Variants in CDC14A observed in about 807,000 individuals in gnomAD.
CDC14A encodes dual specificity protein phosphatase CDC14A.
Under a neutral mutation model 74.4 loss-of-function variants are expected in CDC14A, and 53 were observed. The observed-to-expected ratio is 0.71, with a 90% confidence interval of 0.57 to 0.89. CDC14A has a LOEUF of 0.89. Ranked by LOEUF, CDC14A falls within the 40% of genes least tolerant of loss-of-function variation. The probability of loss-of-function intolerance (pLI) is 0.00; values close to 1 mark genes in which losing one functional copy is unlikely to be tolerated. For missense variants in CDC14A, 646 were observed against 713.7 expected (o/e 0.91, Z 1.08); for synonymous variants, 247 against 258.4 (o/e 0.96, Z 0.43).
intron 6 of CDC14A, among the ~76,000 whole-genome samples, chr1:100,442,659 T>C (rs907952739): frequency 6.6e-6 from 1 of 152,074 alleles, no homozygotes; most frequent in Admixed American, 6.6e-5. Context: ...TGTATACATA[T>C]AATTTTACAT....
At chr1:100,475,243 T>C (rs984215577) in intron 10 of CDC14A, among the ~76,000 whole-genome samples, 2 of 152,228 alleles carry the variant, frequency 1.3e-5, no homozygotes, top group Admixed American at 6.5e-5. Context: ...TTCTAAACTT[T>C]CTGTTTGGTT....
intron 3 of CDC14A, chr1:100,383,368 G>C (rs1656416096): frequency 6.6e-6 from 1 of 152,446 alleles, no homozygotes; most frequent in Non-Finnish European, 1.5e-5. Context: ...AAACAAAGTG[G>C]GCCACACAGA....
chr1:100,375,673 A>C (rs1439978049), intron 2 of CDC14A, among the ~76,000 whole-genome samples: 2 of 152,208 alleles, frequency 1.3e-5, no homozygotes, highest in Non-Finnish European at 2.9e-5. Flanking sequence ...GATGTGGAGA[A>C]ATAGGAACAC....
At chr1:100,453,454 T>C (rs190529984) in intron 7 of CDC14A, among the ~76,000 whole-genome samples, 70 of 152,364 alleles carry the variant, frequency 4.6e-4, no homozygotes, top group Non-Finnish European at 8.8e-4. Flanking sequence ...TGTGTTAAGC[T>C]TAATAATTAC....
chr1:100,433,694 T>C (rs1453539256), intron 5 of CDC14A, among the ~76,000 whole-genome samples: 4 of 152,212 alleles, frequency 2.6e-5, no homozygotes, highest in Non-Finnish European at 2.9e-5. Context: ...GCTTTCTTAT[T>C]TTGTGTAAAT....
intron 5 of CDC14A, among the ~76,000 whole-genome samples, chr1:100,437,987 A>G (rs1184574501): frequency 6.6e-6 from 1 of 152,130 alleles, no homozygotes; most frequent in Non-Finnish European, 1.5e-5. Flanking sequence ...AACTTAGATG[A>G]GAAAAAAATT....
intron 2 of CDC14A, among the ~76,000 whole-genome samples, chr1:100,374,790 T>C (rs567195945): frequency 1.3e-5 from 2 of 152,318 alleles, no homozygotes; most frequent in South Asian, 2.1e-4. Context: ...CAAAGGTCTT[T>C]TGGGGATGGA....
In CDC14A at chr1:100,455,478, G is replaced by A. The variant is rs770841698; in HGVS notation, c.593G>A (p.Ser198Asn). ...GCATTTAGTGGACCACATCCTAAAA[G>A]CAAAATTGAGAATGGTAGGTTTTTT... ...FLAFSGPHPK[S>N]KIENGYPLHA... Residue 198 changes from serine to asparagine, a missense_variant, in exon 8 of 16, where the codon AGC becomes AAC. Ser to Asn is a conservative substitution (Grantham distance 46, BLOSUM62 1). Transcript: ENST00000336454. 1.0e-4 allele frequency: 166 copies of A among 1,583,196 alleles called. No homozygotes were observed. Among genetic ancestry groups the A allele is most frequent in the Non-Finnish European group, 1.4e-4 (165 of 1,166,846 alleles).
chr1:100,488,772 C>T (rs1670319728), intron 11 of CDC14A, among the ~76,000 whole-genome samples: 1 of 152,202 alleles, frequency 6.6e-6, no homozygotes, highest in Admixed American at 6.5e-5. Flanking sequence ...ATCAAGTACT[C>T]ATAAGCAGGG....
intron 9 of CDC14A, among the ~76,000 whole-genome samples, chr1:100,464,151 C>T (rs1667577897): frequency 6.6e-6 from 1 of 152,152 alleles, no homozygotes; most frequent in Admixed American, 6.5e-5. Context: ...TGGGAAGCTG[C>T]GGTTTCCCAG....
chr1:100,513,083 G>A (rs1039077408), intron 15 of CDC14A, among the ~76,000 whole-genome samples: 1 of 152,120 alleles, frequency 6.6e-6, no homozygotes, highest in Non-Finnish European at 1.5e-5. Flanking sequence ...TTTCAGTATT[G>A]TGAAACCACA....
At chr1:100,463,829 A>C (rs954285723) in intron 9 of CDC14A, among the ~76,000 whole-genome samples, 1 of 152,140 alleles carries the variant, frequency 6.6e-6, no homozygotes, top group Non-Finnish European at 1.5e-5. Flanking sequence ...GATTTCAGCG[A>C]GGAGAAATCA....
At chr1:100,350,643 C>T (rs1290355161), upstream of CDC14A, among the ~76,000 whole-genome samples, 2 of 151,274 alleles carry the variant, frequency 1.3e-5, no homozygotes, top group African/African-American at 2.4e-5. Context: ...GTTCATTAGA[C>T]TATTTACTTT....
intron 5 of CDC14A, among the ~76,000 whole-genome samples, chr1:100,434,705 G>A (rs1442344594): frequency 6.6e-6 from 1 of 152,180 alleles, no homozygotes; most frequent in African/African-American, 2.4e-5. Context: ...CAGACAGGGA[G>A]CGCTGCAAGA....
At chr1:100,390,928 G>C (rs1657614124) in intron 4 of CDC14A, 104 bp downstream of exon 4, 1 of 776,814 alleles carries the variant, frequency 1.3e-6, no homozygotes, top group Non-Finnish European at 2.2e-6. Flanking sequence ...AGAGACGGTG[G>C]AGATTATTAG....
At chr1:100,362,482 G>A (rs1044249616) in intron 2 of CDC14A, among the ~76,000 whole-genome samples, 2 of 151,940 alleles carry the variant, frequency 1.3e-5, no homozygotes, top group African/African-American at 2.4e-5. Flanking sequence ...CACCATAAAT[G>A]TCTCTATATT....
upstream of CDC14A, among the ~76,000 whole-genome samples, chr1:100,347,839 A>T (rs191795322): frequency 6.6e-6 from 1 of 152,302 alleles, no homozygotes; most frequent in Non-Finnish European, 1.5e-5. Context: ...ACTTTGTATC[A>T]CTACTGAACA....
chr1:100,464,848 A>G (rs1451701801), intron 9 of CDC14A, among the ~76,000 whole-genome samples: 3 of 151,820 alleles, frequency 2.0e-5, no homozygotes, highest in Non-Finnish European at 4.4e-5. Flanking sequence ...TTTTCTCTAT[A>G]TCCTTGACCT....
upstream of CDC14A, among the ~76,000 whole-genome samples, chr1:100,348,622 T>C (rs1650644524): frequency 1.3e-5 from 2 of 152,186 alleles, no homozygotes; most frequent in African/African-American, 4.8e-5. Context: ...AGCCATGTAA[T>C]ATAAGACAAT....
Sources: gnomAD v4.1 joint callset for allele counts (sites outside exome capture counted in the v4.1 genomes callset) on GRCh38, gnomAD v4.1.1 for gene constraint, MANE v1.5 for transcripts, NCBI Gene and HGNC (gene_info 2026-07-23, HGNC 2026-07-21) for gene names.